Variants in LMNB1 observed in about 807,000 individuals in gnomAD.
LMNB1 encodes lamin B1.
Under a neutral mutation model 67.1 loss-of-function variants are expected in LMNB1, and 23 were observed. That is an observed-to-expected ratio of 0.34 (90% CI 0.25 to 0.49). The LOEUF (loss-of-function observed/expected upper bound fraction) is 0.49. LMNB1 is among the 20% of genes least tolerant of loss of function. The pLI, the probability that LMNB1 is intolerant of heterozygous loss-of-function variation, is 0.99. For missense variants in LMNB1, 634 were observed against 746.5 expected (o/e 0.85, Z 1.76); for synonymous variants, 281 against 282.9 (o/e 0.99, Z 0.07).
intron 1 of LMNB1, among the ~76,000 whole-genome samples, chr5:126,793,993 GGAGT>G (rs1294436173): frequency 1.3e-5 from 2 of 151,898 alleles, no homozygotes; most frequent in Non-Finnish European, 2.9e-5. Context: ...GGAGTGCAAT[GGAGT>G]GATCTTGACT....
In LMNB1 at chr5:126,822,902, A is replaced by C. The variant is rs754342676; in HGVS notation, c.1491+17A>C. ...ACTGTTACAGTAAGTGAATCTAGTCATCATTTAATTTAACTTCATTGTGTT... is the reference window on the plus strand; with the variant it reads ...ACTGTTACAGTAAGTGAATCTAGTCCTCATTTAATTTAACTTCATTGTGTT... On this transcript the variant is annotated intron_variant, in intron 8 of 10. Transcript: ENST00000261366. The C allele has an allele frequency of 6.9e-7, 1 of 1,458,754 alleles. No individual in the cohort carries two copies. Among genetic ancestry groups the C allele is most frequent in the Non-Finnish European group, 9.6e-7 (1 of 1,041,478 alleles). 90.4% of individuals were successfully genotyped at this position (1,458,754 alleles called of 1,614,324 possible).
rs374562922 is a variant in LMNB1, at chr5:126,803,731, G to C, written c.360-1045G>C. On this transcript the variant is annotated intron_variant, in intron 1 of 10. Coordinates refer to ENST00000261366, the MANE Select transcript of LMNB1 (RefSeq NM_005573.4). ...CCCAGCTTAAGTTTTTGTATTTTTT[G>C]GTAAAGACGAGGTTTTACCATGTTG... Among the ~76,000 whole-genome samples the C allele has an allele frequency of 2.4e-4, 36 of 151,058 alleles. 1 individual carries two copies. The highest frequency in any genetic ancestry group is 8.5e-4 in the African/African-American group (35 of 41,088).
intron 5 of LMNB1, among the ~76,000 whole-genome samples, chr5:126,817,279 GC>G (rs1232295850): frequency 6.6e-6 from 1 of 152,030 alleles, no homozygotes; most frequent in Non-Finnish European, 1.5e-5. Flanking sequence ...CATGCTCTAG[GC>G]TCATCTTGCA....
intron 9 of LMNB1, among the ~76,000 whole-genome samples, chr5:126,830,948 G>T (rs183266561): frequency 6.6e-6 from 1 of 152,044 alleles, no homozygotes; most frequent in South Asian, 2.1e-4. Flanking sequence ...TTGTGAAATG[G>T]CTATTTCTGT....
At chr5:126,796,206 G>A (rs1038324873) in intron 1 of LMNB1, among the ~76,000 whole-genome samples, 1 of 152,106 alleles carries the variant, frequency 6.6e-6, no homozygotes, top group East Asian at 1.9e-4. Flanking sequence ...TGGGATTATA[G>A]GTGTGAGCTA....
intron 9 of LMNB1, among the ~76,000 whole-genome samples, chr5:126,826,800 T>C (rs2126735016): frequency 6.6e-6 from 1 of 152,388 alleles, no homozygotes; most frequent in East Asian, 1.9e-4. Context: ...ATCCAGGTGC[T>C]GTACCACGCA....
At position 126,836,771 on chromosome 5, in the gene LMNB1, T is replaced by C. The variant is rs1421259684; in HGVS notation, c.*507T>C. On this transcript the variant is annotated 3_prime_UTR_variant, in exon 11 of 11. Transcript: ENST00000261366. ...ATCAAGGTTATAATTTTTTTTAAAA[T>C]AGAAATTTTGTAAGAAGGCAATATT... is the stretch of plus-strand genomic sequence containing the variant. 7.6e-6 allele frequency: 3 copies of C among 395,862 alleles called. No homozygotes were observed. The highest frequency in any genetic ancestry group is 8.9e-5 in the Admixed American group (2 of 22,578). 24.5% of individuals were successfully genotyped at this position (395,862 alleles called of 1,614,324 possible).
chr5:126,785,332 G>T (rs1317841843), intron 1 of LMNB1, among the ~76,000 whole-genome samples: 1 of 129,214 alleles, frequency 7.7e-6, no homozygotes, highest in East Asian at 2.4e-4. Context: ...TTGCTCTGTC[G>T]CCAGGCTGGA....
intron 1 of LMNB1, among the ~76,000 whole-genome samples, chr5:126,801,309 A>G (rs778401590): frequency 7.9e-5 from 12 of 152,096 alleles, no homozygotes; most frequent in Non-Finnish European, 1.5e-4. Flanking sequence ...TTATGTGACT[A>G]AGAACTTGAC....
At chr5:126,778,035 A>C (rs1439351260) in intron 1 of LMNB1, among the ~76,000 whole-genome samples, 168 bp downstream of exon 1, 1 of 152,200 alleles carries the variant, frequency 6.6e-6, no homozygotes, top group African/African-American at 2.4e-5. Context: ...TCTAGAGTTC[A>C]TAGCGGAGCA....
chr5:126,797,241 C>T (rs1489181804), intron 1 of LMNB1, among the ~76,000 whole-genome samples: 1 of 152,156 alleles, frequency 6.6e-6, no homozygotes, highest in Admixed American at 6.5e-5. Flanking sequence ...ATTTATAAAA[C>T]TTTATTTTTT....
chr5:126,806,121 ATTT>A (rs1174944417), intron 3 of LMNB1, among the ~76,000 whole-genome samples: 2 of 151,868 alleles, frequency 1.3e-5, no homozygotes, highest in Non-Finnish European at 2.9e-5. Flanking sequence ...CGCCCAGCTA[ATTT>A]TTGTATTCTT....
At chr5:126,780,753 A>C (rs62391735) in intron 1 of LMNB1, among the ~76,000 whole-genome samples, 1 of 152,020 alleles carries the variant, frequency 6.6e-6, no homozygotes, top group Non-Finnish European at 1.5e-5. Context: ...TTTCCCCCCA[A>C]CATACCATCA....
intron 9 of LMNB1, among the ~76,000 whole-genome samples, chr5:126,828,799 G>A (rs1752061800): frequency 6.8e-6 from 1 of 147,430 alleles, no homozygotes; most frequent in Admixed American, 6.8e-5. Context: ...TTGACCTTGT[G>A]ATCCGTCACC....
At chr5:126,824,430 T>C (rs1334536681) in intron 8 of LMNB1, among the ~76,000 whole-genome samples, 1 of 152,208 alleles carries the variant, frequency 6.6e-6, no homozygotes, top group African/African-American at 2.4e-5. Context: ...ATCTAGTGTG[T>C]ATTTTACCCT....
chr5:126,805,694 G>A lies in LMNB1; in HGVS notation c.640G>A (p.Glu214Lys). 2 of 1,609,284 alleles carry A rather than the reference G, an allele frequency of 1.2e-6. No homozygotes were observed. The highest frequency in any genetic ancestry group is 1.7e-6 in the Non-Finnish European group (2 of 1,177,544). The change falls in exon 3 of 11, where the codon GAG becomes AAG. Residue 214 changes from glutamate to lysine, a missense_variant and splice_region_variant. Physicochemically the swap from Glu to Lys is moderately conservative, Grantham distance 56 (BLOSUM62 1). Coordinates refer to ENST00000261366, the MANE Select transcript of LMNB1 (RefSeq NM_005573.4). ...GGAGTTTCGCAAAAGCATGTATGAA[G>A]AGGTAACTATATATAATTTTGCTTT... ...DLEFRKSMYE[E>K]EINETRRKHE...
intron 8 of LMNB1, among the ~76,000 whole-genome samples, chr5:126,825,721 G>C (rs1295865268): frequency 6.6e-6 from 1 of 152,178 alleles, no homozygotes; most frequent in African/African-American, 2.4e-5. Context: ...CTCAGGGTCA[G>C]CTGGTGTGTA....
intron 1 of LMNB1, among the ~76,000 whole-genome samples, chr5:126,782,935 C>T (rs1394037773): frequency 6.6e-6 from 1 of 151,608 alleles, no homozygotes; most frequent in Non-Finnish European, 1.5e-5. Context: ...GGCGTGGTGG[C>T]TCACGCCTGT....
At chr5:126,814,727 A>G (rs1459264211) in intron 5 of LMNB1, among the ~76,000 whole-genome samples, 2 of 152,126 alleles carry the variant, frequency 1.3e-5, no homozygotes, top group Admixed American at 1.3e-4. Flanking sequence ...TTTAGTAGAA[A>G]TGGGGTGCAC....
Sources: allele counts gnomAD v4.1 joint callset (sites outside exome capture counted in the v4.1 genomes callset), GRCh38; gene constraint gnomAD v4.1.1; transcripts MANE v1.5; gene names NCBI Gene and HGNC (gene_info 2026-07-23, HGNC 2026-07-21).